GNA14: variants seen among roughly 807,000 people sequenced by gnomAD.
The protein encoded by GNA14 is guanine nucleotide-binding protein subunit alpha-14.
A neutral mutation model predicts 42.0 loss-of-function variants in GNA14; 50 were observed. That is an observed-to-expected ratio of 1.19 (90% confidence interval 0.95 to 1.51). The LOEUF (loss-of-function observed/expected upper bound fraction) is 1.51, where lower values mean the gene tolerates loss of function less well. Among genes scored for constraint, GNA14 ranks in the 40% most tolerant of loss-of-function variants. GNA14 has a pLI of 0.00. For synonymous variants in GNA14, 173 were observed against 163.1 expected (o/e 1.06, Z -0.46); for missense variants, 473 against 446.2 (o/e 1.06, Z -0.54).
chr9:77,511,744 T>C (rs566576908), intron 2 of GNA14, among the ~76,000 whole-genome samples: 3 of 152,230 alleles, frequency 2.0e-5, no homozygotes, highest in Admixed American at 1.3e-4. Context: ...TCTGCCTCTG[T>C]CAACAAAATG....
intron 2 of GNA14, among the ~76,000 whole-genome samples, chr9:77,463,992 GT>G (rs1836164976): frequency 6.6e-6 from 1 of 152,130 alleles, no homozygotes; most frequent in African/African-American, 2.4e-5. Context: ...GCTGGAACTG[GT>G]TTGTTGTTGT....
chr9:77,619,885 G>C (rs1823894056), intron 1 of GNA14, among the ~76,000 whole-genome samples: 1 of 152,022 alleles, frequency 6.6e-6, no homozygotes, highest in South Asian at 2.1e-4. Context: ...GTACCAGTCA[G>C]ACTACCAATT....
At chr9:77,499,235 T>C (rs1836925593) in intron 2 of GNA14, among the ~76,000 whole-genome samples, 1 of 152,228 alleles carries the variant, frequency 6.6e-6, no homozygotes, top group Admixed American at 6.5e-5. Context: ...TTCTTCTTGA[T>C]CTCAAAAGCT....
At chr9:77,442,291 G>A (rs1410896709) in intron 2 of GNA14, among the ~76,000 whole-genome samples, 2 of 152,224 alleles carry the variant, frequency 1.3e-5, no homozygotes, top group Non-Finnish European at 2.9e-5. Context: ...AGAATCACTT[G>A]AACCTGGGAG....
chr9:77,460,303 T>C (rs1341949963), intron 2 of GNA14, among the ~76,000 whole-genome samples: 2 of 152,108 alleles, frequency 1.3e-5, no homozygotes, highest in South Asian at 2.1e-4. Context: ...GAAGCTGAGA[T>C]TGCAGTGTTG....
intron 2 of GNA14, among the ~76,000 whole-genome samples, chr9:77,442,762 C>A (rs1456208767): frequency 2.0e-5 from 3 of 152,176 alleles, no homozygotes; most frequent in African/African-American, 7.2e-5. Context: ...TCTTCCTCAT[C>A]CTCAAATTAT....
At chr9:77,568,668 C>T (rs979069742) in intron 1 of GNA14, among the ~76,000 whole-genome samples, 1 of 152,084 alleles carries the variant, frequency 6.6e-6, no homozygotes, top group African/African-American at 2.4e-5. Flanking sequence ...AACAGTTAAC[C>T]TGAGGAGGAA....
chr9:77,641,065 G>A lies in GNA14; in HGVS notation c.124+6605C>T, dbSNP rs1438303324. Among the ~76,000 whole-genome samples, 10 of 32,956 alleles carry A rather than the reference G, an allele frequency of 3.0e-4. No homozygotes were observed. The East Asian group carries it at 8.7e-3, about 29-fold the overall frequency. The allele number at this position is 32,956 out of a possible 152,430, so 21.6% of individuals were successfully genotyped here. On this transcript the variant is annotated intron_variant, in intron 1 of 6. Coordinates refer to ENST00000341700, the MANE Select transcript of GNA14 (RefSeq NM_004297.4). Reference sequence around the variant, plus strand: ...ATTTGCATGGGAAGGAAGGAAGGAGGGGAGGGGAGGGGAGGGGAGGGGAGG... The same window carrying A: ...ATTTGCATGGGAAGGAAGGAAGGAGAGGAGGGGAGGGGAGGGGAGGGGAGG...
At chr9:77,522,539 A>G (rs541799611) in intron 2 of GNA14, among the ~76,000 whole-genome samples, 1 of 152,356 alleles carries the variant, frequency 6.6e-6, no homozygotes, top group East Asian at 1.9e-4. Flanking sequence ...AGATTACCAG[A>G]AATCTCCCTT....
chr9:77,637,498 T>C (rs6560608), intron 1 of GNA14, among the ~76,000 whole-genome samples: 49,983 of 152,118 alleles, frequency 0.33, 11,498 homozygotes, highest in African/African-American at 0.61. Flanking sequence ...TTTCTATATC[T>C]TATCAGCAAC....
rs565966833 is a variant in GNA14, at chr9:77,503,638, A to C, written c.309+25431T>G. On this transcript the variant is annotated intron_variant, in intron 2 of 6. Transcript: ENST00000341700. ...AATACCTAAGTACACAAAGAAATTT[A>C]CATCAAATTTCAGGATTTTTTTTTT... Among the ~76,000 whole-genome samples, 221 of 149,706 alleles carry C rather than the reference A, an allele frequency of 1.5e-3. 1 individual carries two copies. The highest frequency in any genetic ancestry group is 5.1e-3 in the African/African-American group (204 of 40,334).
chr9:77,425,410 C>A, intron 6 of GNA14, 152 bp downstream of exon 6: 2 of 557,184 alleles, frequency 3.6e-6, no homozygotes, highest in Non-Finnish European at 6.3e-6. Context: ...AACAATGGTG[C>A]AACTAGAGCT....
intron 1 of GNA14, among the ~76,000 whole-genome samples, chr9:77,613,428 G>C (rs1204829940): frequency 6.6e-6 from 1 of 152,200 alleles, no homozygotes; most frequent in Non-Finnish European, 1.5e-5. Flanking sequence ...AGGATACGAA[G>C]TTTCAGTTAT....
intron 1 of GNA14, among the ~76,000 whole-genome samples, chr9:77,548,822 C>T (rs948173137): frequency 6.6e-6 from 1 of 152,260 alleles, no homozygotes; most frequent in Admixed American, 6.5e-5. Flanking sequence ...CATGTGGCAG[C>T]ATCACTTTAA....
intron 1 of GNA14, among the ~76,000 whole-genome samples, chr9:77,561,396 C>T (rs1822880173): frequency 6.6e-6 from 1 of 152,126 alleles, no homozygotes. Context: ...GAGTGAGAAT[C>T]AGAAAAGCCA....
chr9:77,538,271 A>G (rs767290059), intron 1 of GNA14, among the ~76,000 whole-genome samples: 22 of 151,856 alleles, frequency 1.4e-4, no homozygotes, highest in African/African-American at 3.9e-4. Context: ...ACAGCATTTC[A>G]CTGTGTTGTC....
intron 2 of GNA14, among the ~76,000 whole-genome samples, chr9:77,459,853 T>A (rs895313570): frequency 2.0e-5 from 3 of 152,122 alleles, no homozygotes; most frequent in Non-Finnish European, 4.4e-5. Context: ...TCCTGGCATC[T>A]CTCGCCCACC....
chr9:77,502,960 T>C (rs1029340859), intron 2 of GNA14, among the ~76,000 whole-genome samples: 2 of 152,174 alleles, frequency 1.3e-5, no homozygotes, highest in African/African-American at 4.8e-5. Flanking sequence ...CCCCTTGCTG[T>C]TTCCAGTCAC....
intron 1 of GNA14, among the ~76,000 whole-genome samples, chr9:77,570,370 A>G (rs1823042360): frequency 6.6e-6 from 1 of 152,080 alleles, no homozygotes; most frequent in Non-Finnish European, 1.5e-5. Context: ...CCCAAAAGAA[A>G]CTTTTTACCC....
Sources: gnomAD v4.1 joint callset for allele counts (sites outside exome capture counted in the v4.1 genomes callset) on GRCh38, gnomAD v4.1.1 for gene constraint, MANE v1.5 for transcripts, NCBI Gene and HGNC (gene_info 2026-07-23, HGNC 2026-07-21) for gene names.